Variants in ADGRD1 observed in about 807,000 individuals in gnomAD.
ADGRD1 encodes adhesion G protein-coupled receptor D1, also known as G-protein coupled receptor 133.
A neutral mutation model predicts 113.4 loss-of-function variants in ADGRD1; 77 were observed. That is an observed-to-expected ratio of 0.68 (90% CI 0.57 to 0.82). The LOEUF (loss-of-function observed/expected upper bound fraction) is 0.82. Among genes scored for constraint, ADGRD1 ranks in the 40% least tolerant of loss-of-function variants. The pLI is 0.00. For synonymous variants in ADGRD1, 474 were observed against 475.0 expected (o/e 1.00, Z 0.03); for missense variants, 1,036 against 1,139.1 (o/e 0.91, Z 1.30).
At chr12:131,031,911 A>G (rs1162443782) in intron 13 of ADGRD1, among the ~76,000 whole-genome samples, 1 of 152,180 alleles carries the variant, frequency 6.6e-6, no homozygotes, top group Non-Finnish European at 1.5e-5. Flanking sequence ...CCCTGTGGGA[A>G]GCTGGGGAGC....
At chr12:131,044,338 G>C (rs942492202) in intron 13 of ADGRD1, among the ~76,000 whole-genome samples, 24 of 152,174 alleles carry the variant, frequency 1.6e-4, no homozygotes, top group Non-Finnish European at 2.8e-4. Flanking sequence ...TGCAGAGCTG[G>C]GTCCGCGCGT....
At chr12:131,086,090 G>A (rs1322041576) in intron 15 of ADGRD1, among the ~76,000 whole-genome samples, 1 of 152,156 alleles carries the variant, frequency 6.6e-6, no homozygotes, top group Admixed American at 6.5e-5. Flanking sequence ...GTCCCTGCCT[G>A]GGTCACTGCC....
At chr12:130,955,860 C>A (rs1869512174) in intron 2 of ADGRD1, among the ~76,000 whole-genome samples, 1 of 152,214 alleles carries the variant, frequency 6.6e-6, no homozygotes, top group Non-Finnish European at 1.5e-5. Flanking sequence ...TCAGTCTCGG[C>A]TCTCTGCTAC....
chr12:130,996,408 G>A (rs1280347980), intron 8 of ADGRD1, among the ~76,000 whole-genome samples: 1 of 105,140 alleles, frequency 9.5e-6, no homozygotes, highest in African/African-American at 3.6e-5. Flanking sequence ...GCGGGGGGCT[G>A]ACCCCCCACC....
At chr12:131,054,714 G>A (rs761298960) in intron 13 of ADGRD1, among the ~76,000 whole-genome samples, 1 of 152,164 alleles carries the variant, frequency 6.6e-6, no homozygotes, top group Non-Finnish European at 1.5e-5. Context: ...TCTCCTCTCC[G>A]GTCACTGGTC....
In ADGRD1 at chr12:131,022,060, C is replaced by T. The variant is rs1879386293; in HGVS notation, c.1473+7720C>T. 6.6e-6 allele frequency among the ~76,000 whole-genome samples: 1 copy of T among 152,076 alleles called. No individual in the cohort carries two copies. Among genetic ancestry groups the T allele is most frequent in the Admixed American group, 6.6e-5 (1 of 15,258 alleles). On this transcript the variant is annotated intron_variant, in intron 13 of 24. Coordinates refer to ENST00000261654, the MANE Select transcript of ADGRD1 (RefSeq NM_198827.5). The surrounding 1 kb of genome is among the most constrained non-coding windows in gnomAD (Gnocchi z 4.6). ...TTGGATTAGGGCCTACTCTAATGAC[C>T]TCATTTTATCTTAATCACCCCTTCA...
intron 22 of ADGRD1, among the ~76,000 whole-genome samples, 191 bp downstream of exon 22, chr12:131,136,354 G>T (rs1566144509): frequency 6.6e-6 from 1 of 152,230 alleles, no homozygotes; most frequent in Non-Finnish European, 1.5e-5. Context: ...GACCCCTTCA[G>T]GGCGGGGCTG....
intron 2 of ADGRD1, among the ~76,000 whole-genome samples, chr12:130,964,756 G>A (rs1014653213): frequency 1.1e-4 from 16 of 152,142 alleles, no homozygotes; most frequent in Admixed American, 3.3e-4. Flanking sequence ...ATGTACTTAG[G>A]CATCTTTGTG....
chr12:131,014,811 C>T (rs1029975038), intron 13 of ADGRD1, among the ~76,000 whole-genome samples: 4 of 152,164 alleles, frequency 2.6e-5, no homozygotes, highest in South Asian at 2.1e-4. Context: ...GCTTCATAAC[C>T]GCTCTCCTCT....
chr12:131,092,355 A>ACTC (rs1886964762), intron 15 of ADGRD1, among the ~76,000 whole-genome samples: 1 of 152,054 alleles, frequency 6.6e-6, no homozygotes, highest in East Asian at 1.9e-4. Context: ...AGCTGCACCT[A>ACTC]CTCCTGGCGC....
intron 21 of ADGRD1, among the ~76,000 whole-genome samples, chr12:131,134,543 G>A (rs1951024611): frequency 1.3e-5 from 2 of 152,374 alleles, no homozygotes; most frequent in Non-Finnish European, 2.9e-5. Context: ...AATAATGCAT[G>A]ATATTGTTGT....
chr12:131,108,629 C>T, intron 17 of ADGRD1, 95 bp from the exon 18 acceptor site: 2 of 1,553,234 alleles, frequency 1.3e-6, no homozygotes, highest in Non-Finnish European at 8.8e-7. Flanking sequence ...GACCAAAAGA[C>T]CACCCAGGAC....
In ADGRD1 at chr12:131,081,482, A is replaced by G. The variant is rs145764966; in HGVS notation, c.1548-3058A>G. ...TTGATAGTGGTTGACCTAAGCTTAC[A>G]GTGTATATATGTCTAATTCATTCAT... On this transcript the variant is annotated intron_variant, in intron 14 of 24. Transcript: ENST00000261654. Among the ~76,000 whole-genome samples the G allele has an allele frequency of 9.2e-4, 140 of 152,342 alleles. 2 individuals are homozygous for G. In the East Asian group the frequency reaches 0.023, roughly 25 times the overall value.
chr12:131,106,882 T>G (rs1162776329), intron 17 of ADGRD1, among the ~76,000 whole-genome samples: 1 of 152,216 alleles, frequency 6.6e-6, no homozygotes, highest in Non-Finnish European at 1.5e-5. Flanking sequence ...GGCTCCGGTG[T>G]GAAACCTCCC....
rs905659029 is a variant in ADGRD1, at chr12:131,057,188, G to A, written c.1474-19613G>A. 6.6e-6 allele frequency among the ~76,000 whole-genome samples: 1 copy of A among 152,220 alleles called. No homozygotes were observed. Among genetic ancestry groups the A allele is most frequent in the Non-Finnish European group, 1.5e-5 (1 of 68,046 alleles). On this transcript the variant is annotated intron_variant, in intron 13 of 24. Coordinates refer to ENST00000261654, the MANE Select transcript of ADGRD1 (RefSeq NM_198827.5). This position sits in a 1 kb window ranked among gnomAD's most constrained non-coding sequence, Gnocchi z 4.2. Reference sequence around the variant, plus strand: ...CAGGCTACCCCCGCTGTGATAAACAGGTTTGAAGAACTGCACGGAACGCTG... The same window carrying A: ...CAGGCTACCCCCGCTGTGATAAACAAGTTTGAAGAACTGCACGGAACGCTG...
At chr12:130,967,081 C>T (rs1318782436) in intron 3 of ADGRD1, 3 of 454,630 alleles carry the variant, frequency 6.6e-6, no homozygotes, top group Non-Finnish European at 1.3e-5. Context: ...CTGTTTTCTA[C>T]GTTGAATGGA....
intron 14 of ADGRD1, among the ~76,000 whole-genome samples, chr12:131,082,748 C>T (rs1167018394): frequency 6.6e-6 from 1 of 152,106 alleles, no homozygotes; most frequent in African/African-American, 2.4e-5. Context: ...TCTTTAAGTC[C>T]CATCAATTCT....
chr12:131,086,785 C>T (rs1367359676), intron 15 of ADGRD1, among the ~76,000 whole-genome samples: 1 of 152,250 alleles, frequency 6.6e-6, no homozygotes, highest in Non-Finnish European at 1.5e-5. Context: ...AGGGAAACAG[C>T]TATTCCTGTT....
At chr12:131,077,155 T>C (rs964095758) in intron 14 of ADGRD1, among the ~76,000 whole-genome samples, 2 of 152,172 alleles carry the variant, frequency 1.3e-5, no homozygotes, top group Admixed American at 6.5e-5. Flanking sequence ...CAGCAGATGC[T>C]CGGGGGAGCT....
Sources: gnomAD v4.1 joint callset for allele counts (sites outside exome capture counted in the v4.1 genomes callset) on GRCh38, gnomAD v4.1.1 for gene constraint, Gnocchi (gnomAD v3.1) non-coding constraint, MANE v1.5 for transcripts, NCBI Gene and HGNC (gene_info 2026-07-23, HGNC 2026-07-21) for gene names.